PDE3A: variants seen among roughly 807,000 people sequenced by gnomAD.
PDE3A encodes the protein cGMP-inhibited 3',5'-cyclic phosphodiesterase 3A.
In PDE3A, 43 loss-of-function variants were observed where a neutral mutation model predicts 98.3. The ratio of observed to expected loss-of-function variants is 0.44; its 90% CI spans 0.34 to 0.56. The LOEUF (loss-of-function observed/expected upper bound fraction) is 0.56. PDE3A is among the 20% of genes least tolerant of loss of function. The pLI, the probability that PDE3A is intolerant of heterozygous loss-of-function variation, is 0.01. For missense variants in PDE3A, 1,427 were observed against 1,440.7 expected, an observed-to-expected ratio of 0.99 and a Z score of 0.15; for synonymous variants, 663 against 567.9, an observed-to-expected ratio of 1.17 and a Z score of -2.38.
At position 20,524,926 on chromosome 12, in the gene PDE3A, G is replaced by A. The variant is rs187442613; in HGVS notation, c.961-31734G>A. On this transcript the variant is annotated intron_variant, in intron 1 of 15. Transcript: ENST00000359062. ...GAGGCGGGTGGATCACCTGAGGTTG[G>A]TAGTTCAAGACCAGCCTGACCAACA... Among the ~76,000 whole-genome samples the A allele has an allele frequency of 2.8e-3, 420 of 152,220 alleles. 5 individuals carry two copies. Among genetic ancestry groups the A allele is most frequent in the African/African-American group, 9.8e-3 (408 of 41,538 alleles).
chr12:20,390,981 A>T (rs1943902989), intron 1 of PDE3A, among the ~76,000 whole-genome samples: 9 of 151,892 alleles, frequency 5.9e-5, no homozygotes, highest in Admixed American at 5.9e-4. Flanking sequence ...AATCCTACCG[A>T]TGAAAGATAT....
At chr12:20,546,971 A>G (rs1565584581) in intron 1 of PDE3A, among the ~76,000 whole-genome samples, 1 of 152,106 alleles carries the variant, frequency 6.6e-6, no homozygotes, top group Non-Finnish European at 1.5e-5. Flanking sequence ...AGTAAATACC[A>G]AATATATAGC....
chr12:20,583,908 A>G (rs1025464794), intron 2 of PDE3A, among the ~76,000 whole-genome samples: 4 of 152,186 alleles, frequency 2.6e-5, no homozygotes, highest in African/African-American at 9.6e-5. Flanking sequence ...TTCCATTTCT[A>G]TGAAAACTGG....
At chr12:20,567,783 T>G (rs1942698473) in intron 2 of PDE3A, among the ~76,000 whole-genome samples, 1 of 151,992 alleles carries the variant, frequency 6.6e-6, no homozygotes, top group Admixed American at 6.6e-5. Flanking sequence ...GTTTTGCCAT[T>G]TATTTGGCTT....
chr12:20,388,959 GAAAT>G (rs1943864400), intron 1 of PDE3A, among the ~76,000 whole-genome samples: 1 of 151,950 alleles, frequency 6.6e-6, no homozygotes, highest in African/African-American at 2.4e-5. Flanking sequence ...CAATTTTGCA[GAAAT>G]AAATTTGAGA....
At chr12:20,551,652 C>T in intron 1 of PDE3A, 1 of 1,596,210 alleles carries the variant, frequency 6.3e-7, no homozygotes, top group African/African-American at 1.3e-5. Context: ...TGGCCTTCCA[C>T]ATCTACTGCC....
Position 20,666,514 on chromosome 12 carries a change from G to A in PDE3A, c.3184+12309G>A, listed in dbSNP as rs531058203. 3.4e-5 allele frequency among the ~76,000 whole-genome samples: 5 copies of A among 147,696 alleles called. No individual in the cohort carries two copies. The South Asian group carries it at 1.1e-3, about 33-fold the overall frequency. On this transcript the variant is annotated intron_variant, in intron 15 of 15. Transcript: ENST00000359062. ...ATCAACTTTTCTAGCTCCCACATAA[G>A]AGTGAGAGCATGAGATATTTGTCTT...
intron 1 of PDE3A, among the ~76,000 whole-genome samples, chr12:20,522,833 G>A (rs547369420): frequency 1.3e-5 from 2 of 152,084 alleles, no homozygotes; most frequent in South Asian, 4.2e-4. Context: ...AGACTTTGGG[G>A]GAAGAATAAC....
intron 2 of PDE3A, among the ~76,000 whole-genome samples, chr12:20,564,829 T>C (rs1592061770): frequency 6.6e-6 from 1 of 152,152 alleles, no homozygotes; most frequent in Non-Finnish European, 1.5e-5. Flanking sequence ...GACCCTCTTA[T>C]GTTGGGGCCT....
At chr12:20,566,988 A>C (rs1942676079) in intron 2 of PDE3A, among the ~76,000 whole-genome samples, 1 of 151,924 alleles carries the variant, frequency 6.6e-6, no homozygotes, top group Non-Finnish European at 1.5e-5. Flanking sequence ...AGGCCTTTGC[A>C]TGAGTTTTTA....
At chr12:20,601,407 A>C (rs1022304459) in intron 2 of PDE3A, among the ~76,000 whole-genome samples, 13 of 152,300 alleles carry the variant, frequency 8.5e-5, no homozygotes, top group African/African-American at 3.1e-4. Context: ...TCAGTAGCCT[A>C]GATAAACACC....
intron 1 of PDE3A, among the ~76,000 whole-genome samples, chr12:20,442,080 T>G (rs1944879057): frequency 6.6e-6 from 1 of 152,240 alleles, no homozygotes; most frequent in South Asian, 2.1e-4. Flanking sequence ...TGTGAAATAT[T>G]GAACTGCTTA....
At position 20,369,981 on chromosome 12, in the gene PDE3A, A is replaced by C. The variant is rs1382117132; in HGVS notation, c.697A>C (p.Lys233Gln). The C allele has an allele frequency of 6.2e-7, 1 of 1,613,268 alleles. No homozygotes were observed. Among genetic ancestry groups the C allele is most frequent in the Non-Finnish European group, 8.5e-7 (1 of 1,179,994 alleles). Residue 233 changes from lysine to glutamine, a missense_variant, in exon 1 of 16, where the codon AAG (lysine) becomes CAG (glutamine). Physicochemically the swap from Lys to Gln is moderately conservative, Grantham distance 53. Around this residue, in one of 3 missense-constraint regions of PDE3A, gnomAD observed 1,012 missense variants for 886.5 expected, o/e 1.14. Coordinates refer to ENST00000359062, the MANE Select transcript of PDE3A (RefSeq NM_000921.5). ...GTCCCTCATTTCCTTAGAGAGGTTC[A>C]AGGTCGCCTGGAGACCTTACCTGGC... ...TVSLISLERF[K>Q]VAWRPYLAYL... is the part of the protein sequence containing the mutation.
chr12:20,535,856 A>T (rs1164376416), intron 1 of PDE3A, among the ~76,000 whole-genome samples: 1 of 152,166 alleles, frequency 6.6e-6, no homozygotes, highest in Non-Finnish European at 1.5e-5. Context: ...TATACATATT[A>T]ATGCTGAAAT....
chr12:20,485,365 C>G (rs4762965), intron 1 of PDE3A, among the ~76,000 whole-genome samples: 44,322 of 152,016 alleles, frequency 0.29, 8,169 homozygotes, highest in East Asian at 0.68. Context: ...ATGACTCCAA[C>G]TTGATCATCA....
chr12:20,602,489 G>T (rs1461561219), intron 2 of PDE3A, among the ~76,000 whole-genome samples: 1 of 152,140 alleles, frequency 6.6e-6, no homozygotes, highest in African/African-American at 2.4e-5. Flanking sequence ...TAGCTTGCAG[G>T]GACTTGTATA....
At chr12:20,587,310 A>C (rs1227745733) in intron 2 of PDE3A, among the ~76,000 whole-genome samples, 1 of 152,194 alleles carries the variant, frequency 6.6e-6, no homozygotes, top group Non-Finnish European at 1.5e-5. Context: ...CAGAGGTTGC[A>C]GTGAGCTGAC....
intron 4 of PDE3A, among the ~76,000 whole-genome samples, chr12:20,619,513 CATA>C (rs1386349436): frequency 6.6e-6 from 1 of 152,006 alleles, no homozygotes; most frequent in African/African-American, 2.4e-5. Flanking sequence ...ATATACATTA[CATA>C]ATATTTCTTC....
intron 1 of PDE3A, among the ~76,000 whole-genome samples, chr12:20,499,069 T>C (rs1415860258): frequency 6.6e-6 from 1 of 152,182 alleles, no homozygotes; most frequent in Non-Finnish European, 1.5e-5. Context: ...TTATATCCTG[T>C]GGAGTCTGAG....
Sources: gnomAD v4.1 joint callset for allele counts (sites outside exome capture counted in the v4.1 genomes callset) on GRCh38, gnomAD v4.1.1 for gene constraint, gnomAD v4.1.1 regional missense constraint, MANE v1.5 for transcripts, NCBI Gene and HGNC (gene_info 2026-07-23, HGNC 2026-07-21) for gene names.